TNR: variants seen among roughly 807,000 people sequenced by gnomAD.
The protein encoded by TNR is tenascin-R.
Under a neutral mutation model 150.4 loss-of-function variants are expected in TNR, and 45 were observed. The ratio of observed to expected loss-of-function variants is 0.30; its 90% CI spans 0.24 to 0.38. The LOEUF (loss-of-function observed/expected upper bound fraction) is 0.38, where lower values mean the gene tolerates loss of function less well. Ranked by LOEUF, TNR falls within the 10% of genes least tolerant of loss-of-function variation. TNR has a pLI of 1.00. For missense variants in TNR, 1,544 were observed against 1,759.1 expected (o/e 0.88, Z 2.19); for synonymous variants, 687 against 678.4 (o/e 1.01, Z -0.20).
chr1:175,675,591 G>A (rs1665834293), intron 1 of TNR, among the ~76,000 whole-genome samples: 1 of 152,234 alleles, frequency 6.6e-6, no homozygotes, highest in Non-Finnish European at 1.5e-5. Context: ...CACAGATGGA[G>A]TTACCAGCAG....
chr1:175,429,596 C>T (rs990460359), intron 2 of TNR, among the ~76,000 whole-genome samples: 4 of 152,112 alleles, frequency 2.6e-5, no homozygotes, highest in Admixed American at 6.5e-5. Context: ...TGCAGAGAAT[C>T]CTGAATGTAA....
intron 2 of TNR, among the ~76,000 whole-genome samples, chr1:175,413,449 T>C (rs1217119874): frequency 6.6e-6 from 1 of 152,198 alleles, no homozygotes; most frequent in Non-Finnish European, 1.5e-5. Flanking sequence ...TTTAGAGAGG[T>C]CCCACTTGTT....
chr1:175,561,426 A>T (rs1661423320), intron 1 of TNR, among the ~76,000 whole-genome samples: 1 of 152,158 alleles, frequency 6.6e-6, no homozygotes, highest in Non-Finnish European at 1.5e-5. Flanking sequence ...ACCTCCTATG[A>T]TTGGTTTCTT....
chr1:175,423,639 A>G (rs1378340519), intron 2 of TNR, among the ~76,000 whole-genome samples: 2 of 152,188 alleles, frequency 1.3e-5, no homozygotes, highest in Admixed American at 6.5e-5. Context: ...AAGAAACCAG[A>G]GGGGATTCAG....
intron 2 of TNR, among the ~76,000 whole-genome samples, chr1:175,416,261 G>A (rs1467591245): frequency 2.0e-5 from 3 of 152,100 alleles, no homozygotes; most frequent in Admixed American, 6.5e-5. Flanking sequence ...TTATAGATGA[G>A]GGTATGGGAA....
intron 1 of TNR, among the ~76,000 whole-genome samples, chr1:175,544,555 T>C (rs1267916670): frequency 1.3e-5 from 2 of 152,188 alleles, no homozygotes; most frequent in Non-Finnish European, 2.9e-5. Context: ...CTGCTAAATA[T>C]GTTCAGCGAG....
intron 2 of TNR, among the ~76,000 whole-genome samples, chr1:175,501,753 C>T (rs1658749577): frequency 6.6e-6 from 1 of 152,122 alleles, no homozygotes; most frequent in Admixed American, 6.5e-5. Flanking sequence ...CTTTTTGCCA[C>T]CTATTTACGT....
chr1:175,638,625 G>T (rs1231021808), intron 1 of TNR, among the ~76,000 whole-genome samples: 2 of 152,110 alleles, frequency 1.3e-5, no homozygotes, highest in Non-Finnish European at 2.9e-5. Flanking sequence ...GAATCCTGGG[G>T]GAATGGAAAG....
At chr1:175,338,978 G>A (rs1392198483) in intron 18 of TNR, among the ~76,000 whole-genome samples, 2 of 152,202 alleles carry the variant, frequency 1.3e-5, no homozygotes, top group Non-Finnish European at 2.9e-5. Flanking sequence ...TAGAACAAAG[G>A]CATTGCCTAC....
rs59892875 is a variant in TNR, at chr1:175,590,623, G to T, written c.-164-62254C>A. On this transcript the variant is annotated intron_variant, in intron 1 of 22. Transcript: ENST00000367674. Reference sequence around the variant, plus strand: ...TGTGCAAGGACAGTGTTGGCACAAAGGAGGGGGGGATCCACTCAGTTGAGG... The same window carrying T: ...TGTGCAAGGACAGTGTTGGCACAAATGAGGGGGGGATCCACTCAGTTGAGG... Among the ~76,000 whole-genome samples, 252 of 152,360 alleles carry T rather than the reference G, an allele frequency of 1.7e-3. 1 individual carries two copies. The highest frequency in any genetic ancestry group is 5.8e-3 in the African/African-American group (242 of 41,590).
At chr1:175,525,558 T>A (rs1659814450) in intron 2 of TNR, among the ~76,000 whole-genome samples, 1 of 152,248 alleles carries the variant, frequency 6.6e-6, no homozygotes, top group Non-Finnish European at 1.5e-5. Context: ...CAAGAGTTCC[T>A]GAAATCTGGG....
At chr1:175,507,616 G>A (rs1659013373) in intron 2 of TNR, among the ~76,000 whole-genome samples, 1 of 150,550 alleles carries the variant, frequency 6.6e-6, no homozygotes, top group African/African-American at 2.5e-5. Context: ...CCTTATTCTT[G>A]CTCTCTCCTG....
At chr1:175,563,569 G>A (rs1661516177) in intron 1 of TNR, among the ~76,000 whole-genome samples, 1 of 152,158 alleles carries the variant, frequency 6.6e-6, no homozygotes, top group Non-Finnish European at 1.5e-5. Flanking sequence ...ACAGCCCCCA[G>A]TCCCTAATGA....
chr1:175,730,832 C>T (rs945036542), intron 1 of TNR, among the ~76,000 whole-genome samples: 2 of 152,116 alleles, frequency 1.3e-5, no homozygotes, highest in African/African-American at 2.4e-5. Flanking sequence ...GTGGAGCTAA[C>T]ATTTGAGGCT....
chr1:175,729,246 G>A (rs769757477), intron 1 of TNR, among the ~76,000 whole-genome samples: 11 of 151,948 alleles, frequency 7.2e-5, no homozygotes, highest in East Asian at 1.9e-4. Flanking sequence ...TTGCTGACAC[G>A]CAAATCAATA....
At chr1:175,354,608 A>C in intron 17 of TNR, 85 bp from the exon 18 acceptor site, 1 of 1,574,674 alleles carries the variant, frequency 6.4e-7, no homozygotes, top group Non-Finnish European at 8.7e-7. Context: ...TCCAAATCCC[A>C]TGGGCAGCTA....
At chr1:175,679,675 G>A (rs1225503865) in intron 1 of TNR, among the ~76,000 whole-genome samples, 1 of 152,152 alleles carries the variant, frequency 6.6e-6, no homozygotes, top group East Asian at 1.9e-4. Context: ...GCAGGTGTGA[G>A]GGATGGGCCA....
chr1:175,443,187 C>T (rs764108538), intron 2 of TNR, among the ~76,000 whole-genome samples: 10 of 151,984 alleles, frequency 6.6e-5, no homozygotes, highest in East Asian at 1.9e-4. Flanking sequence ...TACTTTATGC[C>T]GCAATAGAAA....
chr1:175,427,235 G>C (rs1489334608), intron 2 of TNR, among the ~76,000 whole-genome samples: 2 of 151,100 alleles, frequency 1.3e-5, no homozygotes, highest in African/African-American at 2.4e-5. Flanking sequence ...GAGCAGCACT[G>C]TCCAATGACT....
Sources: gnomAD v4.1 joint callset for allele counts (sites outside exome capture counted in the v4.1 genomes callset) on GRCh38, gnomAD v4.1.1 for gene constraint, MANE v1.5 for transcripts, NCBI Gene and HGNC (gene_info 2026-07-23, HGNC 2026-07-21) for gene names.